The following COMMD10 variants were observed in gnomAD, a reference collection of about 807,000 sequenced individuals.
The protein encoded by COMMD10 is COMM domain-containing protein 10.
A neutral mutation model predicts 28.9 loss-of-function variants in COMMD10; 33 were observed. The observed-to-expected ratio is 1.14, with a 90% CI of 0.87 to 1.53. The LOEUF (loss-of-function observed/expected upper bound fraction) is 1.53, where lower values mean the gene tolerates loss of function less well. COMMD10 is among the 40% of genes most tolerant of loss of function. The pLI, the probability that COMMD10 is intolerant of heterozygous loss-of-function variation, is 0.00. For missense variants in COMMD10, 310 were observed against 233.4 expected (o/e 1.33, Z -2.14); for synonymous variants, 110 against 81.7 (o/e 1.35, Z -1.87).
intron 5 of COMMD10, among the ~76,000 whole-genome samples, chr5:116,265,327 A>T (rs1408711902): frequency 6.6e-6 from 1 of 151,688 alleles, no homozygotes; most frequent in African/African-American, 2.4e-5. Flanking sequence ...TTGATTATTC[A>T]TGTAAAGGGC....
intron 5 of COMMD10, among the ~76,000 whole-genome samples, chr5:116,248,038 G>T (rs898716326): frequency 1.3e-5 from 2 of 151,522 alleles, no homozygotes; most frequent in African/African-American, 4.8e-5. Context: ...AAGAATTACT[G>T]ACAGAAATTT....
At chr5:116,268,448 A>G (rs1247443919) in intron 5 of COMMD10, among the ~76,000 whole-genome samples, 1 of 151,912 alleles carries the variant, frequency 6.6e-6, no homozygotes, top group Non-Finnish European at 1.5e-5. Context: ...AAGTCAGGAA[A>G]CAACAGGTGC....
chr5:116,263,925 C>T (rs1750516328), intron 5 of COMMD10, among the ~76,000 whole-genome samples: 3 of 151,858 alleles, frequency 2.0e-5, no homozygotes, highest in Middle Eastern at 3.4e-3. Context: ...AAGCCATGGT[C>T]GCTCATATTT....
intron 4 of COMMD10, 59 bp downstream of exon 4, chr5:116,092,759 C>A (rs982384823): frequency 7.4e-6 from 9 of 1,224,254 alleles, no homozygotes; most frequent in African/African-American, 3.1e-5. Context: ...AATTATTATA[C>A]CTGAAGAGTT....
chr5:116,251,289 T>A (rs1285371441), intron 5 of COMMD10, among the ~76,000 whole-genome samples: 29 of 134,764 alleles, frequency 2.2e-4, no homozygotes, highest in African/African-American at 8.7e-4. Flanking sequence ...TTTATTTATT[T>A]ATTTATTTAT....
intron 5 of COMMD10, among the ~76,000 whole-genome samples, chr5:116,234,614 C>G (rs1749614084): frequency 6.6e-6 from 1 of 152,076 alleles, no homozygotes; most frequent in African/African-American, 2.4e-5. Flanking sequence ...AATGGAGAAA[C>G]CATTGAAGTG....
At chr5:116,112,835 G>T (rs1386613772) in intron 4 of COMMD10, among the ~76,000 whole-genome samples, 1 of 151,752 alleles carries the variant, frequency 6.6e-6, no homozygotes, top group African/African-American at 2.4e-5. Flanking sequence ...TGGGTTTTTT[G>T]TCTGTCTAAA....
At chr5:116,289,409 A>T (rs373115048) in intron 5 of COMMD10, among the ~76,000 whole-genome samples, 2 of 151,652 alleles carry the variant, frequency 1.3e-5, no homozygotes, top group South Asian at 4.1e-4. Flanking sequence ...GAAGACCTTC[A>T]CTAATACCCC....
intron 4 of COMMD10, among the ~76,000 whole-genome samples, chr5:116,112,523 A>C (rs1751080826): frequency 6.6e-6 from 1 of 151,970 alleles, no homozygotes; most frequent in Non-Finnish European, 1.5e-5. Flanking sequence ...CAGCCTCCTG[A>C]GTAGCTGTGA....
At chr5:116,250,187 C>T (rs1249768286) in intron 5 of COMMD10, among the ~76,000 whole-genome samples, 3 of 121,368 alleles carry the variant, frequency 2.5e-5, no homozygotes, top group African/African-American at 5.0e-5. Flanking sequence ...GAAAAAATTA[C>T]ATTTTTTATC....
At position 116,293,224 on chromosome 5, in the gene COMMD10, A is replaced by G; in HGVS notation, c.*735A>G. On this transcript the variant is annotated 3_prime_UTR_variant, in exon 7 of 7. Coordinates refer to ENST00000274458, the MANE Select transcript of COMMD10 (RefSeq NM_016144.4). ...ATGGGCACCATTATTCGAATCAGATACCTTTTATATTCTCTTTCCATAAAT... is the reference window on the plus strand; with the variant it reads ...ATGGGCACCATTATTCGAATCAGATGCCTTTTATATTCTCTTTCCATAAAT... 1 of 380,278 alleles carries G rather than the reference A, an allele frequency of 2.6e-6. No individual in the cohort carries two copies. Among genetic ancestry groups the G allele is most frequent in the Non-Finnish European group, 4.7e-6 (1 of 214,700 alleles). 23.6% of individuals were successfully genotyped at this position (380,278 alleles called of 1,614,324 possible). A position where few individuals can be genotyped will look rare whatever the true frequency, so the allele number is the denominator to read the frequency against.
At chr5:116,218,098 C>A in intron 5 of COMMD10, 1 of 1,300,138 alleles carries the variant, frequency 7.7e-7, no homozygotes, top group Non-Finnish European at 1.1e-6. Flanking sequence ...CAGGGTTATT[C>A]CCCTCCTTGC....
rs921177697 is a variant in COMMD10 at position 116,113,546 on chromosome 5, G to C, written c.400-20522G>C. On this transcript the variant is annotated intron_variant, in intron 4 of 6. Coordinates refer to ENST00000274458, the MANE Select transcript of COMMD10 (RefSeq NM_016144.4). ...ACTGTTTGAAAAGACCTGTCTTCAT[G>C]TTCTGAAATCTTTTCTTCTGCTTGG... is the stretch of plus-strand genomic sequence containing the variant. 2.6e-5 allele frequency among the ~76,000 whole-genome samples: 4 copies of C among 151,670 alleles called. No homozygotes were observed. The South Asian group carries it at 8.3e-4, about 32-fold the overall frequency.
At chr5:116,170,017 G>A (rs541897379) in intron 5 of COMMD10, among the ~76,000 whole-genome samples, 2 of 151,990 alleles carry the variant, frequency 1.3e-5, no homozygotes, top group African/African-American at 2.4e-5. Flanking sequence ...AAAAATAAAG[G>A]GTATTCAAAT....
chr5:116,091,216 GC>G (rs770244028), intron 3 of COMMD10, 27 bp downstream of exon 3: 3 of 1,285,118 alleles, frequency 2.3e-6, no homozygotes. Flanking sequence ...AAATTTTCTA[GC>G]CATGATTTGT....
intron 5 of COMMD10, among the ~76,000 whole-genome samples, chr5:116,140,037 C>T (rs186959115): frequency 6.6e-6 from 1 of 151,686 alleles, no homozygotes; most frequent in Non-Finnish European, 1.5e-5. Flanking sequence ...CTGCTTCTCC[C>T]CATTTTTTCC....
chr5:116,247,734 C>T (rs1176955521), intron 5 of COMMD10, among the ~76,000 whole-genome samples: 1 of 152,022 alleles, frequency 6.6e-6, no homozygotes, highest in Non-Finnish European at 1.5e-5. Context: ...ACCACATGTT[C>T]TCCCTTATAA....
intron 3 of COMMD10, among the ~76,000 whole-genome samples, chr5:116,092,281 T>A (rs76866886): frequency 0.021 from 3,182 of 152,246 alleles, 107 homozygotes; most frequent in African/African-American, 0.073. Context: ...AGTTTTTTGG[T>A]TTTTAAGTGG....
chr5:116,101,710 C>T lies in COMMD10; in HGVS notation c.399+9010C>T, dbSNP rs1167268398. Among the ~76,000 whole-genome samples, 9 of 152,320 alleles carry T rather than the reference C, an allele frequency of 5.9e-5. No individual in the cohort carries two copies. In the East Asian group the frequency reaches 1.5e-3, roughly 26 times the overall value. On this transcript the variant is annotated intron_variant, in intron 4 of 6. Coordinates refer to ENST00000274458, the MANE Select transcript of COMMD10 (RefSeq NM_016144.4). ...AAAGTGTGGGCTTACAGGCGTGAGC[C>T]ACTGCGCCCGGACTTTCTTCACTTT...
Sources: gnomAD v4.1 joint callset for allele counts (sites outside exome capture counted in the v4.1 genomes callset) on GRCh38, gnomAD v4.1.1 for gene constraint, MANE v1.5 for transcripts, NCBI Gene and HGNC (gene_info 2026-07-23, HGNC 2026-07-21) for gene names.